Variants in LMO1 observed in about 807,000 individuals in gnomAD.
LMO1 encodes LIM domain only 1, also known as rhombotin-1.
A neutral mutation model predicts 18.0 loss-of-function variants in LMO1; 10 were observed. That is an observed-to-expected ratio of 0.55 (90% CI 0.34 to 0.94). The LOEUF is 0.94. Among genes scored for constraint, LMO1 ranks in the 40% least tolerant of loss-of-function variants. The pLI is 0.02. For synonymous variants in LMO1, 77 were observed against 77.9 expected (o/e 0.99, Z 0.06); for missense variants, 183 against 205.7 (o/e 0.89, Z 0.68).
chr11:8,267,642 T>C (rs1333512911), upstream of LMO1, among the ~76,000 whole-genome samples: 1 of 152,192 alleles, frequency 6.6e-6, no homozygotes, highest in African/African-American at 2.4e-5. Context: ...CGTGGGGCTC[T>C]TTAAGAAAAG....
chr11:8,242,457 T>G (rs1846812087), intron 1 of LMO1, among the ~76,000 whole-genome samples: 1 of 152,160 alleles, frequency 6.6e-6, no homozygotes, highest in Non-Finnish European at 1.5e-5. Context: ...GTCAGCATAG[T>G]CTGTGTCTCT....
chr11:8,232,611 T>A (rs1188428753), intron 1 of LMO1, among the ~76,000 whole-genome samples: 2 of 152,174 alleles, frequency 1.3e-5, no homozygotes, highest in South Asian at 2.1e-4. Flanking sequence ...GGGAAAATCT[T>A]GGGCCAGGCC....
At chr11:8,268,444 AC>A, upstream of LMO1, 1 of 1,462,116 alleles carries the variant, frequency 6.8e-7, no homozygotes, top group Non-Finnish European at 9.0e-7. Context: ...CTGGTCCAAC[AC>A]CATGGTCCCG....
chr11:8,242,288 G>T (rs532158661), intron 1 of LMO1, among the ~76,000 whole-genome samples: 1 of 152,098 alleles, frequency 6.6e-6, no homozygotes, highest in Non-Finnish European at 1.5e-5. Context: ...CCTCCACTGC[G>T]TGCCTCCCTT....
In LMO1 at chr11:8,263,338, C is replaced by T; in HGVS notation, c.25G>A (p.Gly9Ser). The T allele has an allele frequency of 6.2e-7, 1 of 1,601,764 alleles. No individual in the cohort carries two copies. Among genetic ancestry groups the T allele is most frequent in the Non-Finnish European group, 8.5e-7 (1 of 1,177,950 alleles). The change falls in exon 1 of 4, where the codon GGC becomes AGC. Residue 9 changes from glycine to serine, a missense_variant and splice_region_variant. By Grantham distance (56) the Gly-to-Ser change is moderately conservative. Transcript: ENST00000335790. Reference sequence around the variant, plus strand: ...GTCGAGACCCCGGCCCGCCACCTACCGTCCTCCTTGTCCAGCACCATCATC... The same window carrying T: ...GTCGAGACCCCGGCCCGCCACCTACTGTCCTCCTTGTCCAGCACCATCATC... MMVLDKED[G>S]VPMLSVQPKG...
At position 8,232,371 on chromosome 11, in the gene LMO1, G is replaced by C. The variant is rs7117825; in HGVS notation, c.26-1867C>G. Among the ~76,000 whole-genome samples, 784 of 152,308 alleles carry C rather than the reference G, an allele frequency of 5.1e-3. 5 individuals carry two copies. Among genetic ancestry groups the C allele is most frequent in the African/African-American group, 0.018 (756 of 41,576 alleles). ...CTGAAAGAGCCCAAGGAGGGCAGCT[G>C]GGGAGCAGATACCCCTGAGAACTGA... is the stretch of plus-strand genomic sequence containing the variant. On this transcript the variant is annotated intron_variant, in intron 1 of 3. Coordinates refer to ENST00000335790, the MANE Select transcript of LMO1 (RefSeq NM_002315.3).
chr11:8,256,115 G>A (rs57881503), intron 1 of LMO1, among the ~76,000 whole-genome samples: 23,310 of 152,082 alleles, frequency 0.15, 2,093 homozygotes, highest in African/African-American at 0.25. Context: ...GTGAGCCACC[G>A]CGCCCGGCCA....
At chr11:8,265,962 G>C (rs1847256570), upstream of LMO1, among the ~76,000 whole-genome samples, 1 of 152,184 alleles carries the variant, frequency 6.6e-6, no homozygotes, top group African/African-American at 2.4e-5. Flanking sequence ...CCACGAGTTT[G>C]TCTGAATACC....
chr11:8,263,841 T>C lies in LMO1; in HGVS notation c.-479A>G. ...TTATATTCAAAGAGATGGGGGAATC[T>C]CGTGGCCGTCTCCCGCTGCCTTTCT... On this transcript the variant is annotated 5_prime_UTR_variant, in exon 1 of 4. Coordinates refer to ENST00000335790, the MANE Select transcript of LMO1 (RefSeq NM_002315.3). The C allele has an allele frequency of 9.5e-7, 1 of 1,052,626 alleles. No homozygotes were observed. The highest frequency in any genetic ancestry group is 1.1e-6 in the Non-Finnish European group (1 of 871,974). 65.2% of individuals were successfully genotyped at this position (1,052,626 alleles called of 1,614,324 possible). A position where few individuals can be genotyped will look rare whatever the true frequency, so the allele number is the denominator to read the frequency against.
intron 1 of LMO1, among the ~76,000 whole-genome samples, chr11:8,258,297 TGG>T (rs1429440222): frequency 2.0e-5 from 3 of 152,184 alleles, no homozygotes; most frequent in African/African-American, 7.2e-5. Context: ...CCCTGCTATA[TGG>T]GGGCACAGCT....
chr11:8,230,016 G>T (rs959760757), intron 2 of LMO1, among the ~76,000 whole-genome samples: 2 of 152,240 alleles, frequency 1.3e-5, no homozygotes, highest in Admixed American at 6.5e-5. Context: ...GAGCCAGACT[G>T]GGGCCCTCGG....
At chr11:8,264,897 A>T (rs11605226), upstream of LMO1, among the ~76,000 whole-genome samples, 7 of 152,052 alleles carry the variant, frequency 4.6e-5, no homozygotes, top group African/African-American at 1.7e-4. Flanking sequence ...TCCCACAGTG[A>T]TGGGATTACA....
chr11:8,264,347 T>G (rs990912289), upstream of LMO1, among the ~76,000 whole-genome samples: 1 of 152,152 alleles, frequency 6.6e-6, no homozygotes, highest in African/African-American at 2.4e-5. Flanking sequence ...AGGCATGGCC[T>G]TGAAAGCTTT....
At position 8,224,740 on chromosome 11, in the gene LMO1, A is replaced by C; in HGVS notation, c.366-19T>G. ...ACAAAATCTAGAAAATCCAAGCGAG[A>C]GAGAGAAGCCATGGGAAGGTCCCAG... On this transcript the variant is annotated intron_variant, in intron 3 of 3. Coordinates refer to ENST00000335790, the MANE Select transcript of LMO1 (RefSeq NM_002315.3). 6.5e-7 allele frequency: 1 copy of C among 1,543,112 alleles called. No individual in the cohort carries two copies. The highest frequency in any genetic ancestry group is 8.8e-7 in the Non-Finnish European group (1 of 1,130,308).
At chr11:8,233,520 C>T (rs1412622148) in intron 1 of LMO1, among the ~76,000 whole-genome samples, 2 of 152,208 alleles carry the variant, frequency 1.3e-5, no homozygotes, top group African/African-American at 4.8e-5. Flanking sequence ...GCCTTCCTTC[C>T]TCATAGGGCA....
At chr11:8,251,283 A>T (rs752973454) in intron 1 of LMO1, among the ~76,000 whole-genome samples, 39 of 152,132 alleles carry the variant, frequency 2.6e-4, no homozygotes, top group South Asian at 2.1e-4. Context: ...TGGGATGTGG[A>T]TGCAGCAGTT....
chr11:8,230,384 A>G lies in LMO1; in HGVS notation c.146T>C (p.Leu49Pro), dbSNP rs1226455845. The G allele has an allele frequency of 6.2e-7, 1 of 1,614,068 alleles. No homozygotes were observed. Among genetic ancestry groups the G allele is most frequent in the Admixed American group, 1.7e-5 (1 of 60,030 alleles). ...GCGGCAGTCACAGCAGGCACACTTGAGGCAGTCTTCGTGCCAGTACTTGTC... is the reference window on the plus strand; with the variant it reads ...GCGGCAGTCACAGCAGGCACACTTGGGGCAGTCTTCGTGCCAGTACTTGTC... The part of the protein sequence containing the change: ...ALDKYWHEDC[L>P]KCACCDCRLG... The change falls in exon 2 of 4, where the codon CTC becomes CCC. Residue 49 changes from leucine (L) to proline (P), a missense_variant. Leu to Pro is a moderately conservative substitution (Grantham distance 98, BLOSUM62 -3). Coordinates refer to ENST00000335790, the MANE Select transcript of LMO1 (RefSeq NM_002315.3).
upstream of LMO1, among the ~76,000 whole-genome samples, chr11:8,266,493 T>A (rs1001024877): frequency 2.6e-5 from 4 of 152,184 alleles, no homozygotes; most frequent in African/African-American, 9.7e-5. Context: ...CCACAGGTGA[T>A]GAGCATGTAC....
At chr11:8,239,788 C>T (rs118024621) in intron 1 of LMO1, among the ~76,000 whole-genome samples, 4,172 of 152,274 alleles carry the variant, frequency 0.027, 77 homozygotes, top group Non-Finnish European at 0.028. Flanking sequence ...TTCTCCTGCA[C>T]GCTAGAGCCC....
Sources: allele counts gnomAD v4.1 joint callset (sites outside exome capture counted in the v4.1 genomes callset), GRCh38; gene constraint gnomAD v4.1.1; transcripts MANE v1.5; gene names NCBI Gene and HGNC (gene_info 2026-07-23, HGNC 2026-07-21).